The following MID1 variants were observed in gnomAD, a reference collection of about 807,000 sequenced individuals.
MID1 encodes E3 ubiquitin-protein ligase Midline-1.
A neutral mutation model predicts 40.4 loss-of-function variants in MID1; 7 were observed. The observed-to-expected ratio is 0.17, with a 90% CI of 0.10 to 0.33. The LOEUF (loss-of-function observed/expected upper bound fraction) is 0.33, where lower values mean the gene tolerates loss of function less well. MID1 is among the 10% of genes least tolerant of loss of function. The probability of loss-of-function intolerance (pLI) is 1.00; values close to 1 mark genes in which losing one functional copy is unlikely to be tolerated. For synonymous variants in MID1, 229 were observed against 221.2 expected, an observed-to-expected ratio of 1.04 and a Z score of -0.31; for missense variants, 367 against 558.5, an observed-to-expected ratio of 0.66 and a Z score of 3.46.
In MID1 at chrX:10,445,658, T is replaced by C. The variant is rs1429250929; in HGVS notation, c.*3710A>G. On this transcript the variant is annotated 3_prime_UTR_variant, in exon 10 of 10. Coordinates refer to ENST00000317552, the MANE Select transcript of MID1 (RefSeq NM_000381.4). ...GGCAGTGTGACTTAAGTACCGGGGATTGAATTTGTCCAGGTGCAAGGAGTG... is the reference window on the plus strand; with the variant it reads ...GGCAGTGTGACTTAAGTACCGGGGACTGAATTTGTCCAGGTGCAAGGAGTG... The C allele has an allele frequency of 3.6e-5, 4 of 111,450 alleles. No homozygotes were observed. Among genetic ancestry groups the C allele is most frequent in the Admixed American group, 9.5e-5 (1 of 10,529 alleles). 9.2% of individuals were successfully genotyped at this position (111,450 alleles called of 1,213,427 possible).
intron 1 of MID1, among the ~76,000 whole-genome samples, chrX:10,775,731 T>A (rs1369626200): frequency 9.0e-6 from 1 of 111,622 alleles, no homozygotes; most frequent in Non-Finnish European, 1.9e-5. Flanking sequence ...AGATCAGCAA[T>A]CTTATGGATT....
chrX:10,584,179 A>G (rs1935084431), intron 1 of MID1, among the ~76,000 whole-genome samples: 1 of 111,882 alleles, frequency 8.9e-6, no homozygotes, highest in African/African-American at 3.3e-5. Context: ...CACTTCCACA[A>G]ACCCTTTTAA....
At chrX:10,589,370 A>C (rs1378961545) in intron 1 of MID1, among the ~76,000 whole-genome samples, 1 of 111,101 alleles carries the variant, frequency 9.0e-6, no homozygotes, top group Non-Finnish European at 1.9e-5. Context: ...AACCAAGTCA[A>C]AACCAAAACC....
chrX:10,807,036 G>T lies in MID1; in HGVS notation c.-187+26518C>A, dbSNP rs923093946. On this transcript the variant is annotated intron_variant, in intron 1 of 10. Coordinates refer to the MID1 transcript ENST00000380785. ...AGGTGAGTGGATCACCTGAGGTCAG[G>T]AGTTCAAGACTAACCTGGCCAACAT... Among the ~76,000 whole-genome samples the T allele has an allele frequency of 2.7e-5, 3 of 111,698 alleles. No individual in the cohort carries two copies. In the Admixed American group the frequency reaches 2.9e-4, roughly 11 times the overall value.
At chrX:10,589,542 G>C (rs138683565) in intron 1 of MID1, 1 of 111,964 alleles carries the variant, frequency 8.9e-6, no homozygotes, top group Admixed American at 9.4e-5. Context: ...ATCAGACCAC[G>C]CTTCCACACA....
At chrX:10,728,482 C>G (rs2043415376) in intron 1 of MID1, among the ~76,000 whole-genome samples, 1 of 112,011 alleles carries the variant, frequency 8.9e-6, no homozygotes, top group African/African-American at 3.2e-5. Context: ...TTCCAGTCTG[C>G]CAGAGGGATG....
chrX:10,663,262 C>T (rs2042928352), intron 1 of MID1, among the ~76,000 whole-genome samples: 1 of 110,734 alleles, frequency 9.0e-6, no homozygotes, highest in Non-Finnish European at 1.9e-5. Flanking sequence ...AAAAGAAATG[C>T]TGTGCCCATT....
At chrX:10,584,920 C>T (rs1214067054) in intron 1 of MID1, among the ~76,000 whole-genome samples, 2 of 111,001 alleles carry the variant, frequency 1.8e-5, no homozygotes, top group Non-Finnish European at 3.8e-5. Flanking sequence ...CAATTCCTGT[C>T]CCTTTTAAAG....
In MID1 at chrX:10,558,065, T is replaced by TAAAA. The variant is rs368289385; in HGVS notation, c.660+8819_660+8822dup. On this transcript the variant is annotated intron_variant, in intron 2 of 9. Coordinates refer to ENST00000317552, the MANE Select transcript of MID1 (RefSeq NM_000381.4). Reference sequence around the variant, plus strand: ...AAAATATACATTAACCTCTCTCTCTTAAAAAAAAAAAAAAAACACTTCACT... The same window carrying TAAAA: ...AAAATATACATTAACCTCTCTCTCTTAAAAAAAAAAAAAAAAAAAACACTTCACT... 2.1e-3 allele frequency among the ~76,000 whole-genome samples: 187 copies of TAAAA among 89,791 alleles called. 1 individual carries two copies. Among genetic ancestry groups the TAAAA allele is most frequent in the Middle Eastern group, 0.012 (2 of 171 alleles). 78.0% of individuals were successfully genotyped at this position (89,791 alleles called of 115,157 possible).
At chrX:10,659,398 G>A (rs2042897007) in intron 1 of MID1, among the ~76,000 whole-genome samples, 1 of 111,291 alleles carries the variant, frequency 9.0e-6, no homozygotes, top group Non-Finnish European at 1.9e-5. Context: ...TGAGGAAAGG[G>A]GGCAACATGG....
At chrX:10,713,676 A>G (rs931916967) in intron 1 of MID1, among the ~76,000 whole-genome samples, 5 of 112,184 alleles carry the variant, frequency 4.5e-5, no homozygotes, top group African/African-American at 1.6e-4. Context: ...ACAACAAACC[A>G]AGACAACCCT....
intron 2 of MID1, among the ~76,000 whole-genome samples, chrX:10,552,642 G>A (rs1933959821): frequency 9.2e-6 from 1 of 108,225 alleles, no homozygotes; most frequent in African/African-American, 3.4e-5. Flanking sequence ...ATCCTCAGAT[G>A]CAGAACCCAC....
intron 1 of MID1, among the ~76,000 whole-genome samples, chrX:10,738,817 GT>G (rs752566386): frequency 1.8e-5 from 2 of 109,804 alleles, no homozygotes; most frequent in African/African-American, 6.6e-5. Flanking sequence ...TTTCAGGTCT[GT>G]TTTTCCCCCT....
chrX:10,533,376 GAAAAAGAAAGAAAGA>G (rs1569089778), intron 2 of MID1, among the ~76,000 whole-genome samples: 192 of 32,137 alleles, frequency 6.0e-3, no homozygotes, highest in African/African-American at 7.2e-3. Context: ...AAGAAAGAAA[GAAAAAGAAAGAAAGA>G]AAAGAAAGAA....
At chrX:10,513,491 A>G (rs1932257102) in intron 3 of MID1, among the ~76,000 whole-genome samples, 1 of 112,245 alleles carries the variant, frequency 8.9e-6, no homozygotes, top group African/African-American at 3.2e-5. Context: ...TGAGTTAGAA[A>G]TAACAATGGC....
At chrX:10,471,876 G>T (rs911637624) in intron 6 of MID1, among the ~76,000 whole-genome samples, 1 of 112,216 alleles carries the variant, frequency 8.9e-6, no homozygotes, top group African/African-American at 3.2e-5. Flanking sequence ...ACACATGGTA[G>T]TAGCCATAAT....
rs1431481341 is a variant in MID1, at chrX:10,620,424, G to C, written c.-191C>G. Reference sequence around the variant, plus strand: ...ACAAAAGCAACCCGGCGAAATCTACGGGCAGCAAAGAGCACGTTTTCGTCC... The same window carrying C: ...ACAAAAGCAACCCGGCGAAATCTACCGGCAGCAAAGAGCACGTTTTCGTCC... On this transcript the variant is annotated 5_prime_UTR_variant, in exon 1 of 10. Transcript: ENST00000317552. The C allele has an allele frequency of 8.9e-6, 1 of 112,937 alleles. No individual in the cohort carries two copies. Among genetic ancestry groups the C allele is most frequent in the African/African-American group, 3.2e-5 (1 of 31,040 alleles). The allele number at this position is 112,937 out of a possible 1,213,427, so 9.3% of individuals were successfully genotyped here.
chrX:10,716,187 G>C (rs1486365748), intron 1 of MID1, among the ~76,000 whole-genome samples: 1 of 112,307 alleles, frequency 8.9e-6, no homozygotes, highest in East Asian at 2.8e-4. Flanking sequence ...GAACAAAGCT[G>C]CATGGAGAAT....
chrX:10,591,647 A>C (rs1211213477), intron 1 of MID1, among the ~76,000 whole-genome samples: 1 of 110,843 alleles, frequency 9.0e-6, no homozygotes, highest in Admixed American at 9.5e-5. Context: ...AAAACATCAC[A>C]GTCCAAAGAG....
Sources: gnomAD v4.1 joint callset for allele counts (sites outside exome capture counted in the v4.1 genomes callset) on GRCh38, gnomAD v4.1.1 for gene constraint, MANE v1.5 for transcripts, NCBI Gene and HGNC (gene_info 2026-07-23, HGNC 2026-07-21) for gene names.